The following IPO9 variants were observed in gnomAD, a reference collection of about 807,000 sequenced individuals.
IPO9 encodes importin 9, also known as importin-9.
In IPO9, 28 loss-of-function variants were observed where a neutral mutation model predicts 128.6. The observed-to-expected ratio is 0.22, with a 90% CI of 0.16 to 0.30. The LOEUF is 0.30. IPO9 is among the 10% of genes least tolerant of loss of function. The pLI, the probability that IPO9 is intolerant of heterozygous loss-of-function variation, is 1.00. For synonymous variants in IPO9, 455 were observed against 475.8 expected, an observed-to-expected ratio of 0.96 and a Z score of 0.57; for missense variants, 935 against 1,293.9, an observed-to-expected ratio of 0.72 and a Z score of 4.26.
chr1:201,847,772 G>A (rs1030930552), intron 3 of IPO9, 134 bp downstream of exon 3: 10 of 671,152 alleles, frequency 1.5e-5, no homozygotes, highest in Non-Finnish European at 2.1e-5. Flanking sequence ...CTGGCATTGC[G>A]GGCATAGGGC....
intron 14 of IPO9, among the ~76,000 whole-genome samples, chr1:201,865,370 A>G (rs1403854173): frequency 6.6e-6 from 1 of 151,672 alleles, no homozygotes; most frequent in Admixed American, 6.6e-5. Context: ...CACCACACCC[A>G]GCTAATTTTG....
At chr1:201,863,659 T>C (rs754376080) in intron 14 of IPO9, 52 bp downstream of exon 14, 2 of 1,468,210 alleles carry the variant, frequency 1.4e-6, no homozygotes, top group African/African-American at 1.4e-5. Context: ...TCAGGTTAGA[T>C]ATAACAAATC....
intron 1 of IPO9, among the ~76,000 whole-genome samples, chr1:201,834,219 T>G (rs1679886491): frequency 6.7e-6 from 1 of 150,124 alleles, no homozygotes; most frequent in East Asian, 1.9e-4. Flanking sequence ...TTTTTTTTTT[T>G]GTTGCACTGC....
chr1:201,852,278 A>C, intron 5 of IPO9, 86 bp downstream of exon 5: 1 of 772,868 alleles, frequency 1.3e-6, no homozygotes, highest in South Asian at 1.6e-5. Context: ...GGTGTTTGCA[A>C]CTGATCTCAA....
At chr1:201,875,891 C>T in intron 23 of IPO9, 53 bp from the exon 24 acceptor site, 1 of 1,157,466 alleles carries the variant, frequency 8.6e-7, no homozygotes, top group Non-Finnish European at 1.3e-6. Context: ...TGCTCCACTG[C>T]AAATGGGTGA....
At chr1:201,873,133 T>A (rs562451999) in intron 20 of IPO9, among the ~76,000 whole-genome samples, 172 bp downstream of exon 20, 2 of 152,284 alleles carry the variant, frequency 1.3e-5, no homozygotes, top group African/African-American at 4.8e-5. Flanking sequence ...ATACGGTTTC[T>A]TCCTGTTGTG....
rs748867827 is a variant in IPO9 at position 201,859,004 on chromosome 1, A to AG, written c.1468+11dup. On this transcript the variant is annotated intron_variant, in intron 13 of 23. Coordinates refer to ENST00000361565, the MANE Select transcript of IPO9 (RefSeq NM_018085.5). ...GACCTCAACCTCTCAGGTATGTTTC[A>AG]GCACGTGCCAGGATTCTAGAAACTC... 2.5e-6 allele frequency: 4 copies of AG among 1,595,422 alleles called. No individual in the cohort carries two copies. Among genetic ancestry groups the AG allele is most frequent in the Non-Finnish European group, 3.4e-6 (4 of 1,164,754 alleles).
chr1:201,868,146 G>A (rs1267952908), intron 15 of IPO9, among the ~76,000 whole-genome samples: 1 of 152,132 alleles, frequency 6.6e-6, no homozygotes, highest in Non-Finnish European at 1.5e-5. Context: ...ATAAGGCTCT[G>A]CTTTTTAGGA....
Position 201,882,609 on chromosome 1 carries a change from G to A in IPO9, c.*6555G>A, listed in dbSNP as rs751577750. ...TCCTAAAATTGAAAAGTATACTAGG[G>A]TTTTTAAACCTGTGTAGAATACATG... is the stretch of plus-strand genomic sequence containing the variant. On this transcript the variant is annotated 3_prime_UTR_variant, in exon 24 of 24. Coordinates refer to ENST00000361565, the MANE Select transcript of IPO9 (RefSeq NM_018085.5). 4 of 152,098 alleles carry A rather than the reference G, an allele frequency of 2.6e-5. No individual in the cohort carries two copies. The highest frequency in any genetic ancestry group is 5.9e-5 in the Non-Finnish European group (4 of 68,026). 9.4% of individuals were successfully genotyped at this position (152,098 alleles called of 1,614,324 possible). A position where few individuals can be genotyped will look rare whatever the true frequency, so the allele number is the denominator to read the frequency against.
intron 1 of IPO9, 189 bp downstream of exon 1, chr1:201,829,561 G>T: frequency 4.2e-6 from 1 of 235,306 alleles, no homozygotes. Context: ...GCGCCTGAAG[G>T]ATAGGGTCGG....
chr1:201,849,853 T>A (rs1680186009), intron 4 of IPO9, among the ~76,000 whole-genome samples: 1 of 152,232 alleles, frequency 6.6e-6, no homozygotes, highest in East Asian at 1.9e-4. Context: ...CTTCTCTGCT[T>A]ATTGCCCTTT....
intron 13 of IPO9, among the ~76,000 whole-genome samples, chr1:201,863,127 G>C (rs575653738): frequency 4.1e-4 from 62 of 152,280 alleles, no homozygotes; most frequent in Non-Finnish European, 1.5e-4. Flanking sequence ...GAGGCAGACA[G>C]ATCACTTGAG....
intron 4 of IPO9, among the ~76,000 whole-genome samples, chr1:201,848,945 G>C (rs1195043413): frequency 6.6e-6 from 1 of 152,106 alleles, no homozygotes; most frequent in East Asian, 1.9e-4. Context: ...AGTAGTGTCT[G>C]CATCAAAGGA....
chr1:201,855,617 T>C (rs1198929428), intron 9 of IPO9, among the ~76,000 whole-genome samples, 166 bp from the exon 10 acceptor site: 1 of 152,242 alleles, frequency 6.6e-6, no homozygotes, highest in African/African-American at 2.4e-5. Context: ...TCCTCAAAAT[T>C]ACGTTTTGTG....
At chr1:201,874,602 A>G (rs543824862) in intron 21 of IPO9, among the ~76,000 whole-genome samples, 1 of 152,320 alleles carries the variant, frequency 6.6e-6, no homozygotes, top group East Asian at 1.9e-4. Context: ...GCAAGCTAAC[A>G]TAGCCCTTCT....
In IPO9 at chr1:201,863,449, G is replaced by A; in HGVS notation, c.1470G>A (p.Val490=). 1 of 1,564,464 alleles carries A rather than the reference G, an allele frequency of 6.4e-7. No homozygotes were observed. The highest frequency in any genetic ancestry group is 8.8e-7 in the Non-Finnish European group (1 of 1,141,676). ...CTAATTGTTCTGTCTTTCTCCCAGT[G>A]TCTCCTTTCCTCTTGGGCCGGGCAC... is the stretch of plus-strand genomic sequence containing the variant. ...NVILADLNLS[V]SPFLLGRALW... The change falls in exon 14 of 24, where the codon GTG becomes GTA. Residue 490 remains valine, a splice_region_variant and synonymous_variant. Transcript: ENST00000361565.
intron 13 of IPO9, among the ~76,000 whole-genome samples, chr1:201,862,896 C>G (rs1680475573): frequency 6.6e-6 from 1 of 151,618 alleles, no homozygotes; most frequent in Admixed American, 6.6e-5. Context: ...TCTTTTTAGT[C>G]TAATAATATT....
rs1164101497 is a variant in IPO9, at chr1:201,866,917, A to C, written c.1813A>C (p.Ile605Leu). The C allele has an allele frequency of 1.2e-6, 2 of 1,614,038 alleles. No homozygotes were observed. The highest frequency in any genetic ancestry group is 1.7e-6 in the Non-Finnish European group (2 of 1,180,040). Residue 605 changes from isoleucine (I) to leucine (L), a missense_variant, in exon 15 of 24, where the codon ATC becomes CTC. Coordinates refer to ENST00000361565, the MANE Select transcript of IPO9 (RefSeq NM_018085.5). The part of the protein sequence containing the change: ...PEFTASMESK[I>L]CPFTIAIFLK... ...ATTCACAGCAAGCATGGAAAGCAAA[A>C]TCTGCCCCTTCACCATCGCCATTTT...
chr1:201,834,202 CTTTTCT>C (rs1171278229), intron 1 of IPO9, among the ~76,000 whole-genome samples: 409 of 120,882 alleles, frequency 3.4e-3, no homozygotes, highest in Non-Finnish European at 6.0e-3. Context: ...AAAAACTTTT[CTTTTCT>C]TTTTTTTTTT....
Sources: gnomAD v4.1 joint callset for allele counts (sites outside exome capture counted in the v4.1 genomes callset) on GRCh38, gnomAD v4.1.1 for gene constraint, MANE v1.5 for transcripts, NCBI Gene and HGNC (gene_info 2026-07-23, HGNC 2026-07-21) for gene names.